CDH23: variants seen among roughly 807,000 people sequenced by gnomAD.
CDH23 encodes cadherin-23.
A neutral mutation model predicts 317.1 loss-of-function variants in CDH23; 189 were observed. The ratio of observed to expected loss-of-function variants is 0.60; its 90% CI spans 0.53 to 0.67. The LOEUF is 0.67. Among genes scored for constraint, CDH23 ranks in the 30% least tolerant of loss-of-function variants. The pLI is 0.00. For missense variants in CDH23, 4,401 were observed against 4,592.4 expected, an observed-to-expected ratio of 0.96 and a Z score of 1.20; for synonymous variants, 1,839 against 1,876.8, an observed-to-expected ratio of 0.98 and a Z score of 0.52.
intron 11 of CDH23, among the ~76,000 whole-genome samples, chr10:71,626,922 G>A (rs1225737506): frequency 1.3e-5 from 2 of 152,144 alleles, no homozygotes; most frequent in South Asian, 2.1e-4. Flanking sequence ...CCTTGTCCAG[G>A]GAGCAATCAA....
chr10:71,629,962 G>A (rs944510983), intron 11 of CDH23, among the ~76,000 whole-genome samples: 2 of 152,100 alleles, frequency 1.3e-5, no homozygotes, highest in Non-Finnish European at 2.9e-5. Flanking sequence ...CTCTCAAATG[G>A]TTAAAATGAT....
At chr10:71,451,170 TC>T (rs1019526604) in intron 3 of CDH23, among the ~76,000 whole-genome samples, 23 of 152,136 alleles carry the variant, frequency 1.5e-4, no homozygotes, top group African/African-American at 5.5e-4. Context: ...CCCAGAATCT[TC>T]TCACCTCTCG....
chr10:71,743,973 G>A (rs1430107118), intron 38 of CDH23, among the ~76,000 whole-genome samples: 1 of 152,162 alleles, frequency 6.6e-6, no homozygotes, highest in Non-Finnish European at 1.5e-5. Flanking sequence ...AGATGGCAAA[G>A]GGCTATGGCA....
chr10:71,741,872 T>G lies in CDH23; in HGVS notation c.4796T>G (p.Phe1599Cys). 1.2e-6 allele frequency: 2 copies of G among 1,610,426 alleles called. No individual in the cohort carries two copies. The highest frequency in any genetic ancestry group is 2.2e-5 in the South Asian group (2 of 90,278). Reference protein sequence around the residue: ...PAPPDRERQSFYHLVATVEDE... With the variant: ...PAPPDRERQSCYHLVATVEDE... ...CCGCCTGACCGCGAGCGCCAGAGCT[T>G]CTACCACCTGGTGGCCACTGTGGAG... The change falls in exon 38 of 70, where the codon TTC becomes TGC. Residue 1599 changes from phenylalanine to cysteine, a missense_variant. Transcript: ENST00000224721.
intron 9 of CDH23, among the ~76,000 whole-genome samples, chr10:71,590,358 A>C (rs1859382578): frequency 6.6e-6 from 1 of 151,886 alleles, no homozygotes; most frequent in Non-Finnish European, 1.5e-5. Context: ...CCTCCCCACC[A>C]CTTGAAGGCA....
In CDH23 at chr10:71,714,399, C is replaced by G. The variant is rs554790283; in HGVS notation, c.3369+1586C>G. ...GTGAGGGGCTGGACAATGTCTGGCT[C>G]TCTGCAAGCTCCCAAGCTGGTAGGA... On this transcript the variant is annotated intron_variant, in intron 28 of 69. Transcript: ENST00000224721. The G allele has an allele frequency of 1.2e-4, 19 of 152,312 alleles. No homozygotes were observed. In the East Asian group the frequency reaches 3.7e-3, roughly 29 times the overall value. 9.4% of individuals were successfully genotyped at this position (152,312 alleles called of 1,614,324 possible). A position where few individuals can be genotyped will look rare whatever the true frequency, so the allele number is the denominator to read the frequency against.
Position 71,412,377 on chromosome 10 carries a change from C to A in CDH23, c.-6+15059C>A, listed in dbSNP as rs144494553. ...ATTTTATGTTTAATTTTTTGAGGAA[C>A]TGCCGTACTGTTTTCCATTGTAGCT... On this transcript the variant is annotated intron_variant, in intron 1 of 69. Coordinates refer to ENST00000224721, the MANE Select transcript of CDH23 (RefSeq NM_022124.6). Among the ~76,000 whole-genome samples, 43 of 152,312 alleles carry A rather than the reference C, an allele frequency of 2.8e-4. No individual in the cohort carries two copies. The East Asian group carries it at 6.9e-3, about 25-fold the overall frequency.
intron 6 of CDH23, among the ~76,000 whole-genome samples, chr10:71,557,691 TC>T (rs1269057734): frequency 6.6e-6 from 1 of 152,230 alleles, no homozygotes; most frequent in Non-Finnish European, 1.5e-5. Context: ...GAAATAGTGT[TC>T]TTTATAATGT....
chr10:71,802,350 G>A (rs1190003292), intron 53 of CDH23, among the ~76,000 whole-genome samples: 1 of 152,210 alleles, frequency 6.6e-6, no homozygotes, highest in East Asian at 1.9e-4. Flanking sequence ...GCTCTGAAGA[G>A]GATGCAGTTC....
intron 20 of CDH23, among the ~76,000 whole-genome samples, chr10:71,691,743 G>T (rs183322682): frequency 2.6e-5 from 4 of 152,314 alleles, no homozygotes; most frequent in Admixed American, 2.6e-4. Context: ...CCTGGGAAGG[G>T]AGCAGGAATC....
intron 14 of CDH23, among the ~76,000 whole-genome samples, chr10:71,649,388 A>G (rs1281668692): frequency 1.3e-5 from 2 of 152,376 alleles, no homozygotes; most frequent in East Asian, 3.9e-4. Context: ...TTAATATGCA[A>G]TGAAGGCAGG....
At chr10:71,723,671 G>A (rs1419087338) in intron 28 of CDH23, among the ~76,000 whole-genome samples, 1 of 152,186 alleles carries the variant, frequency 6.6e-6, no homozygotes, top group African/African-American at 2.4e-5. Flanking sequence ...GCCACCCTGG[G>A]AGAGGCTCCT....
intron 9 of CDH23, among the ~76,000 whole-genome samples, chr10:71,587,269 C>T (rs1325204327): frequency 4.6e-5 from 7 of 152,212 alleles, no homozygotes; most frequent in African/African-American, 1.7e-4. Flanking sequence ...CCAAGGGATT[C>T]ATGTCAGCCT....
At chr10:71,797,026 T>G in intron 48 of CDH23, 78 bp from the exon 49 acceptor site, 1 of 864,770 alleles carries the variant, frequency 1.2e-6, no homozygotes, top group Non-Finnish European at 1.9e-6. Context: ...TTGGGAGGGT[T>G]TGGCCAGGAG....
intron 11 of CDH23, 91 bp downstream of exon 11, chr10:71,617,484 A>G: frequency 1.3e-6 from 2 of 1,535,468 alleles, no homozygotes; most frequent in Non-Finnish European, 1.8e-6. Context: ...GCTATAAAAT[A>G]GAAACAAACA....
At chr10:71,735,306 G>A (rs1839531528) in intron 34 of CDH23, among the ~76,000 whole-genome samples, 1 of 152,288 alleles carries the variant, frequency 6.6e-6, no homozygotes, top group South Asian at 2.1e-4. Flanking sequence ...CTAAGTAAAG[G>A]CAGAGAAGAC....
chr10:71,409,203 C>G (rs1282448453), intron 1 of CDH23, among the ~76,000 whole-genome samples: 1 of 152,134 alleles, frequency 6.6e-6, no homozygotes, highest in Non-Finnish European at 1.5e-5. Flanking sequence ...ATGTAAGGGG[C>G]AGGGGATTCC....
Position 71,615,527 on chromosome 10 carries a change from C to T in CDH23, c.856C>T (p.Leu286=), listed in dbSNP as rs727502918. ...VSGNTNSIFA[L]DYISGVLTLN... Reference sequence around the variant, plus strand: ...AGGGAATACCAACAGCATCTTTGCCCTGGACTACATCAGCGGAGTGCTGAC... The same window carrying T: ...AGGGAATACCAACAGCATCTTTGCCTTGGACTACATCAGCGGAGTGCTGAC... Residue 286 remains leucine, a synonymous_variant, in exon 10 of 70, where the codon CTG becomes TTG. Coordinates refer to ENST00000224721, the MANE Select transcript of CDH23 (RefSeq NM_022124.6). 5.0e-5 allele frequency: 80 copies of T among 1,613,720 alleles called. No homozygotes were observed. In the Middle Eastern group the frequency reaches 8.2e-4, roughly 17 times the overall value.
At chr10:71,441,372 G>A (rs976180941) in intron 2 of CDH23, among the ~76,000 whole-genome samples, 1 of 151,938 alleles carries the variant, frequency 6.6e-6, no homozygotes, top group African/African-American at 2.4e-5. Context: ...CTGCCACCTG[G>A]GATCCACCCT....
Sources: gnomAD v4.1 joint callset for allele counts (sites outside exome capture counted in the v4.1 genomes callset) on GRCh38, gnomAD v4.1.1 for gene constraint, MANE v1.5 for transcripts, NCBI Gene and HGNC (gene_info 2026-07-23, HGNC 2026-07-21) for gene names.